FIRRM: variants seen among roughly 807,000 people sequenced by gnomAD.
FIRRM encodes the protein FIGNL1-interacting regulator of recombination and mitosis.
chr1:169,826,954 A>G, the FIRRM span: 1 of 1,086,982 alleles, frequency 9.2e-7, no homozygotes, highest in South Asian at 2.1e-5. Context: ...AGTTTTTAAT[A>G]TATTTTTACT....
the FIRRM span, chr1:169,847,819 T>C: frequency 6.8e-7 from 1 of 1,478,168 alleles, no homozygotes; most frequent in East Asian, 2.3e-5. Context: ...ATTGCTTAAC[T>C]CTGTTCTTGT....
chr1:169,794,918 C>T, the FIRRM span: 12 of 592,686 alleles, frequency 2.0e-5, no homozygotes, highest in South Asian at 1.0e-4. Context: ...GAGTCGAGTC[C>T]TCCAGGGGCT....
chr1:169,803,171 A>G, the FIRRM span: 1 of 1,613,314 alleles, frequency 6.2e-7, no homozygotes, highest in Non-Finnish European at 8.5e-7. Flanking sequence ...ATTCACAGAC[A>G]ATGGTGCAGC....
the FIRRM span, chr1:169,807,992 C>A: frequency 1.4e-6 from 2 of 1,479,632 alleles, no homozygotes; most frequent in Non-Finnish European, 1.8e-6. Context: ...GTTAGTAAAT[C>A]TCATTTGAAT....
the FIRRM span, among the ~76,000 whole-genome samples, chr1:169,832,823 G>A: frequency 1.3e-5 from 2 of 151,996 alleles, no homozygotes; most frequent in Non-Finnish European, 2.9e-5. Context: ...GCCTAGGCTG[G>A]TCTCAAACTC....
At chr1:169,829,440 T>G in the FIRRM span, 7 of 1,610,696 alleles carry the variant, frequency 4.3e-6, no homozygotes, top group African/African-American at 6.7e-5. Context: ...CCTCACTGTT[T>G]GCTGAACTGG....
the FIRRM span, chr1:169,843,711 T>C: frequency 5.0e-6 from 8 of 1,612,890 alleles, no homozygotes; most frequent in Non-Finnish European, 5.9e-6. Context: ...ACATTCAGCC[T>C]TTTACTTCCA....
chr1:169,854,032 C>CT, the FIRRM span: 38 of 560,644 alleles, frequency 6.8e-5, no homozygotes, highest in South Asian at 1.1e-4. Context: ...ATTTTAATCC[C>CT]TTTTTTTTCT....
At chr1:169,838,357 G>A in the FIRRM span, among the ~76,000 whole-genome samples, 6 of 152,144 alleles carry the variant, frequency 3.9e-5, no homozygotes, top group African/African-American at 1.2e-4. Context: ...TCTATAGTAA[G>A]GACAAAGGAT....
chr1:169,854,010 C>T, the FIRRM span: 1 of 585,050 alleles, frequency 1.7e-6, no homozygotes. Context: ...GTGTGGATGA[C>T]ACCAAATCCT....
chr1:169,798,809 C>G, the FIRRM span: 13 of 573,778 alleles, frequency 2.3e-5, no homozygotes, highest in Non-Finnish European at 3.4e-5. Context: ...ATTCCAATCT[C>G]TTATGAGTCA....
the FIRRM span, among the ~76,000 whole-genome samples, chr1:169,787,490 C>CCTTGATG: frequency 6.6e-6 from 1 of 152,108 alleles, no homozygotes; most frequent in Admixed American, 6.5e-5. Flanking sequence ...TCCTCCTTAC[C>CCTTGATG]CTTGATGCTT....
At chr1:169,832,020 A>C in the FIRRM span, among the ~76,000 whole-genome samples, 1 of 152,192 alleles carries the variant, frequency 6.6e-6, no homozygotes, top group African/African-American at 2.4e-5. Flanking sequence ...TGGCCTCCCA[A>C]AGTGCTGGGA....
At chr1:169,827,094 C>T in the FIRRM span, 5 of 1,613,770 alleles carry the variant, frequency 3.1e-6, no homozygotes, top group Non-Finnish European at 3.4e-6. Context: ...TTCTAAAGCA[C>T]ACCAAGAGGA....
the FIRRM span, among the ~76,000 whole-genome samples, chr1:169,831,642 T>A: frequency 6.6e-6 from 1 of 152,236 alleles, no homozygotes; most frequent in Admixed American, 6.5e-5. Context: ...TAGTGCATTA[T>A]GTTGTAGGAA....
At chr1:169,842,062 G>C in the FIRRM span, among the ~76,000 whole-genome samples, 1 of 151,794 alleles carries the variant, frequency 6.6e-6, no homozygotes, top group East Asian at 1.9e-4. Context: ...TGTAGTCCCA[G>C]CTTCTCGGGA....
the FIRRM span, chr1:169,793,315 A>G: frequency 6.2e-7 from 1 of 1,614,154 alleles, no homozygotes; most frequent in Non-Finnish European, 8.5e-7. Context: ...CTGATAACTT[A>G]ACATGCTGGA....
chr1:169,806,407 T>G, the FIRRM span, among the ~76,000 whole-genome samples: 1 of 152,250 alleles, frequency 6.6e-6, no homozygotes, highest in Non-Finnish European at 1.5e-5. Context: ...GTATCCTATT[T>G]CTAGGATTAG....
At chr1:169,830,558 A>G in the FIRRM span, 2 of 869,068 alleles carry the variant, frequency 2.3e-6, no homozygotes, top group Non-Finnish European at 3.6e-6. Flanking sequence ...AGTTTTGTAT[A>G]TTGTGATATT....
Sources: allele counts gnomAD v4.1 joint callset (sites outside exome capture counted in the v4.1 genomes callset), GRCh38; gene constraint gnomAD v4.1.1; transcripts MANE v1.5; gene names NCBI Gene and HGNC (gene_info 2026-07-23, HGNC 2026-07-21).